BNC2: variants seen among roughly 807,000 people sequenced by gnomAD.
BNC2 encodes the protein zinc finger protein basonuclin-2.
In BNC2, 20 loss-of-function variants were observed where a neutral mutation model predicts 76.3. The observed-to-expected ratio is 0.26, with a 90% CI of 0.18 to 0.38. BNC2 has a LOEUF of 0.38. Ranked by LOEUF, BNC2 falls within the 10% of genes least tolerant of loss-of-function variation. BNC2 has a pLI of 1.00. For synonymous variants in BNC2, 582 were observed against 514.8 expected, an observed-to-expected ratio of 1.13 and a Z score of -1.77; for missense variants, 1,382 against 1,399.8, an observed-to-expected ratio of 0.99 and a Z score of 0.20.
intron 1 of BNC2, among the ~76,000 whole-genome samples, chr9:16,750,396 A>C (rs1287333708): frequency 6.6e-6 from 1 of 152,212 alleles, no homozygotes; most frequent in Non-Finnish European, 1.5e-5. Flanking sequence ...CACACCCAAC[A>C]GCATATGGCT....
intron 3 of BNC2, among the ~76,000 whole-genome samples, chr9:16,665,404 A>AGAGAGAGAGAGAGAG (rs1554702339): frequency 1.6e-5 from 1 of 62,808 alleles, no homozygotes; most frequent in African/African-American, 5.6e-5. Context: ...GAGAGAGAGA[A>AGAGAGAGAGAGAGAG]AGAGAGAAAA....
intron 1 of BNC2, among the ~76,000 whole-genome samples, chr9:16,743,266 G>A (rs779723918): frequency 6.6e-6 from 1 of 152,080 alleles, no homozygotes; most frequent in Non-Finnish European, 1.5e-5. Context: ...GCATAGCACA[G>A]AATTTCGAAT....
At chr9:16,631,044 C>A (rs1821147386) in intron 3 of BNC2, among the ~76,000 whole-genome samples, 1 of 152,040 alleles carries the variant, frequency 6.6e-6, no homozygotes, top group African/African-American at 2.4e-5. Flanking sequence ...CGGCCTGGAG[C>A]TTTTCTTAAA....
intron 3 of BNC2, among the ~76,000 whole-genome samples, chr9:16,595,556 A>C (rs1820042482): frequency 6.6e-6 from 1 of 152,164 alleles, no homozygotes; most frequent in Admixed American, 6.6e-5. Context: ...TTTAAAAAAC[A>C]CAAATACAAT....
intron 5 of BNC2, among the ~76,000 whole-genome samples, chr9:16,453,057 T>C (rs2131093762): frequency 6.6e-6 from 1 of 152,262 alleles, no homozygotes; most frequent in East Asian, 1.9e-4. Context: ...CTTGGTCTCC[T>C]CACATATGAA....
At chr9:16,539,394 G>A (rs527383895) in intron 5 of BNC2, among the ~76,000 whole-genome samples, 102 of 151,366 alleles carry the variant, frequency 6.7e-4, no homozygotes, top group African/African-American at 2.4e-3. Context: ...CAGGTGTGGT[G>A]GCACACACCT....
chr9:16,865,451 A>G (rs142628757), intron 1 of BNC2, among the ~76,000 whole-genome samples: 309 of 152,328 alleles, frequency 2.0e-3, no homozygotes, highest in African/African-American at 7.1e-3. Context: ...CACAGCAGTT[A>G]CTAGCAATTT....
chr9:16,556,195 G>C (rs577953592), intron 4 of BNC2, among the ~76,000 whole-genome samples: 285 of 152,020 alleles, frequency 1.9e-3, no homozygotes, highest in African/African-American at 6.6e-3. Context: ...GAGGCTGATG[G>C]GGGAGGACTG....
chr9:16,633,160 A>C (rs1587256645), intron 3 of BNC2, among the ~76,000 whole-genome samples: 1 of 152,232 alleles, frequency 6.6e-6, no homozygotes, highest in African/African-American at 2.4e-5. Context: ...CCTCTGCAAC[A>C]TAACGAAGAG....
At chr9:16,611,384 A>C (rs901170213) in intron 3 of BNC2, among the ~76,000 whole-genome samples, 1 of 152,164 alleles carries the variant, frequency 6.6e-6, no homozygotes, top group African/African-American at 2.4e-5. Flanking sequence ...AAACGGCTGT[A>C]AAGTGAACTG....
intron 1 of BNC2, among the ~76,000 whole-genome samples, chr9:16,781,163 C>T (rs1443691697): frequency 6.6e-6 from 1 of 151,824 alleles, no homozygotes; most frequent in African/African-American, 2.4e-5. Flanking sequence ...TGTCCAGCCA[C>T]GTAACATTTT....
chr9:16,730,598 A>G (rs552289619), intron 2 of BNC2, among the ~76,000 whole-genome samples: 8 of 152,270 alleles, frequency 5.3e-5, no homozygotes, highest in Non-Finnish European at 1.2e-4. Flanking sequence ...CTGACTAGCT[A>G]ATACATCCAA....
intron 1 of BNC2, among the ~76,000 whole-genome samples, chr9:16,790,705 T>A (rs1817481023): frequency 1.3e-5 from 2 of 152,018 alleles, no homozygotes; most frequent in South Asian, 4.1e-4. Flanking sequence ...ATCCTTTTCA[T>A]CACAACCACT....
chr9:16,581,023 G>A (rs930689626), intron 4 of BNC2, among the ~76,000 whole-genome samples: 28 of 152,078 alleles, frequency 1.8e-4, no homozygotes, highest in African/African-American at 5.6e-4. Context: ...TAGGATATAA[G>A]CTCTGTACCT....
intron 3 of BNC2, among the ~76,000 whole-genome samples, chr9:16,598,867 C>A (rs111356696): frequency 2.6e-5 from 4 of 152,146 alleles, no homozygotes; most frequent in African/African-American, 4.8e-5. Flanking sequence ...AGATGCTTTG[C>A]ATTTTTGAAA....
intron 3 of BNC2, among the ~76,000 whole-genome samples, chr9:16,702,653 A>T (rs1472095619): frequency 6.6e-6 from 1 of 151,904 alleles, no homozygotes; most frequent in Non-Finnish European, 1.5e-5. Context: ...CTACACTACT[A>T]TTTCCAAAAA....
intron 5 of BNC2, among the ~76,000 whole-genome samples, chr9:16,462,585 A>T (rs1296717315): frequency 2.0e-5 from 3 of 152,218 alleles, no homozygotes; most frequent in African/African-American, 7.2e-5. Flanking sequence ...CACATAATGG[A>T]AAGTGGCAAA....
At chr9:16,460,842 C>T (rs149067429) in intron 5 of BNC2, among the ~76,000 whole-genome samples, 31 of 152,006 alleles carry the variant, frequency 2.0e-4, no homozygotes, top group African/African-American at 9.7e-5. Flanking sequence ...AAAGGCCTCA[C>T]GGAATTCTAG....
chr9:16,460,524 G>C (rs1284753886), intron 5 of BNC2, among the ~76,000 whole-genome samples: 1 of 152,068 alleles, frequency 6.6e-6, no homozygotes, highest in East Asian at 1.9e-4. Context: ...TCAGGGGGTG[G>C]AGACACAAGA....
Sources: allele counts gnomAD v4.1 joint callset (sites outside exome capture counted in the v4.1 genomes callset), GRCh38; gene constraint gnomAD v4.1.1; transcripts MANE v1.5; gene names NCBI Gene and HGNC (gene_info 2026-07-23, HGNC 2026-07-21).